PLAU: variants seen among roughly 807,000 people sequenced by gnomAD.
PLAU encodes the protein plasminogen activator, urokinase, also known as urokinase-type plasminogen activator.
PLAU carries 32 observed loss-of-function variants against 48.9 expected under a neutral mutation model. The ratio of observed to expected loss-of-function variants is 0.65; its 90% CI spans 0.49 to 0.88. The LOEUF is 0.88. Among genes scored for constraint, PLAU ranks in the 40% least tolerant of loss-of-function variants. The probability of loss-of-function intolerance (pLI) is 0.00; values close to 1 mark genes in which losing one functional copy is unlikely to be tolerated. For missense variants in PLAU, 455 were observed against 545.2 expected (o/e 0.83, Z 1.65); for synonymous variants, 199 against 205.7 (o/e 0.97, Z 0.28).
In PLAU at chr10:73,914,804, C is replaced by T. The variant is rs1289938551; in HGVS notation, c.858C>T (p.Gly286=). The T allele has an allele frequency of 6.2e-7, 1 of 1,614,064 alleles. No individual in the cohort carries two copies. Among genetic ancestry groups the T allele is most frequent in the Admixed American group, 1.7e-5 (1 of 59,996 alleles). The change falls in exon 9 of 11, where the codon GGC becomes GGT. Residue 286 remains glycine (G), a synonymous_variant. Coordinates refer to ENST00000372764, the MANE Select transcript of PLAU (RefSeq NM_002658.6). ...IALLKIRSKE[G]RCAQPSRTIQ... ...TGCTGAAGATCCGTTCCAAGGAGGG[C>T]AGGTGTGCGCAGCCATCCCGGACTA...
At chr10:73,909,292 G>A (rs906485539), upstream of PLAU, 2 of 152,122 alleles carry the variant, frequency 1.3e-5, no homozygotes, top group Non-Finnish European at 2.9e-5. Flanking sequence ...TGGGAGTTTC[G>A]GGGTAAGTCC....
chr10:73,913,944 G>A (rs772988818), intron 7 of PLAU, 36 bp from the exon 8 acceptor site: 10 of 1,600,254 alleles, frequency 6.2e-6, no homozygotes, highest in Middle Eastern at 1.7e-4. Flanking sequence ...CAGATTTCAT[G>A]GGACTAAGCT....
chr10:73,911,225 G>T lies in PLAU; in HGVS notation c.-32+7G>T. The T allele has an allele frequency of 2.6e-6, 1 of 384,020 alleles. No individual in the cohort carries two copies. The highest frequency in any genetic ancestry group is 4.7e-6 in the Non-Finnish European group (1 of 213,464). The allele number at this position is 384,020 out of a possible 1,614,324, so 23.8% of individuals were successfully genotyped here. The stretch of plus-strand genomic sequence containing the variant: ...CCTCCTGCCGCAGCCACCGGTGAGT[G>T]CCGCGGTCCTGAGATCCCCGGGCCG... On this transcript the variant is annotated splice_region_variant and intron_variant, in intron 1 of 10. Coordinates refer to ENST00000372764, the MANE Select transcript of PLAU (RefSeq NM_002658.6).
At chr10:73,911,854 C>G (rs775944641) in intron 2 of PLAU, 187 bp from the exon 3 acceptor site, 2 of 1,552,804 alleles carry the variant, frequency 1.3e-6, no homozygotes, top group Non-Finnish European at 1.7e-6. Flanking sequence ...GTAGATGAAG[C>G]TTGCTTGGGT....
chr10:73,916,087 A>AC (rs1185008825), intron 10 of PLAU, among the ~76,000 whole-genome samples: 1 of 151,918 alleles, frequency 6.6e-6, no homozygotes, highest in Non-Finnish European at 1.5e-5. Flanking sequence ...TAAAAATGCA[A>AC]AAAAAAATTA....
chr10:73,908,853 G>A (rs1209349213), upstream of PLAU, among the ~76,000 whole-genome samples: 1 of 89,746 alleles, frequency 1.1e-5, no homozygotes, highest in African/African-American at 6.3e-5. Flanking sequence ...CCGAGACTCC[G>A]TCTCAAAAAA....
rs1464828809 is a variant in PLAU at position 73,912,225 on chromosome 10, C to T, written c.96C>T (p.Asp32=). 1 of 1,614,184 alleles carries T rather than the reference C, an allele frequency of 6.2e-7. No individual in the cohort carries two copies. Among genetic ancestry groups the T allele is most frequent in the East Asian group, 2.2e-5 (1 of 44,882 alleles). The change falls in exon 4 of 11, where the codon GAC becomes GAT. Residue 32 remains aspartate, a synonymous_variant. Transcript: ENST00000372764. ...CTTTGTTCTCTCCAGCGAACTGTGACTGTCTAAATGGAGGAACATGTGTGT... is the reference window on the plus strand; with the variant it reads ...CTTTGTTCTCTCCAGCGAACTGTGATTGTCTAAATGGAGGAACATGTGTGT... ...NELHQVPSNC[D]CLNGGTCVSN...
At position 73,911,532 on chromosome 10, in the gene PLAU, G is replaced by A; in HGVS notation, c.-24G>A. 1 of 1,609,734 alleles carries A rather than the reference G, an allele frequency of 6.2e-7. No individual in the cohort carries two copies. Among genetic ancestry groups the A allele is most frequent in the Non-Finnish European group, 8.5e-7 (1 of 1,179,686 alleles). ...CTTCTCCTTCCTTTGCAGAGCCGCC[G>A]TCTAGCGCCCCGACCTCGCCACCAT... On this transcript the variant is annotated 5_prime_UTR_variant, in exon 2 of 11. Coordinates refer to ENST00000372764, the MANE Select transcript of PLAU (RefSeq NM_002658.6).
At chr10:73,913,834 G>A (rs2096130287) in intron 7 of PLAU, 76 bp downstream of exon 7, 2 of 1,419,246 alleles carry the variant, frequency 1.4e-6, no homozygotes, top group Non-Finnish European at 1.9e-6. Flanking sequence ...CCAGCAAAGT[G>A]TTCCGCCTCA....
Position 73,916,777 on chromosome 10 carries a change from AG to A in PLAU, c.*216del. ...GCCCAGACCCCTCTGGCCAGGATGGAGGGGTGGTCCTGACTCAACATGTTAC... is the reference window on the plus strand; with the variant it reads ...GCCCAGACCCCTCTGGCCAGGATGGAGGGTGGTCCTGACTCAACATGTTAC... On this transcript the variant is annotated 3_prime_UTR_variant, in exon 11 of 11. Transcript: ENST00000372764. The A allele has an allele frequency of 1.8e-6, 1 of 562,574 alleles. No individual in the cohort carries two copies. Among genetic ancestry groups the A allele is most frequent in the Non-Finnish European group, 3.1e-6 (1 of 317,974 alleles). 34.8% of individuals were successfully genotyped at this position (562,574 alleles called of 1,614,324 possible). A position where few individuals can be genotyped will look rare whatever the true frequency, so the allele number is the denominator to read the frequency against.
intron 2 of PLAU, chr10:73,911,826 C>G: frequency 6.4e-7 from 1 of 1,551,908 alleles, no homozygotes; most frequent in African/African-American, 1.4e-5. Context: ...CGGGACTGCC[C>G]CAGCCTGCGG....
rs886047205 is a variant in PLAU, at chr10:73,911,218, G to A, written c.-32G>A. The A allele has an allele frequency of 1.0e-4, 37 of 354,396 alleles. No homozygotes were observed. The South Asian group carries it at 1.3e-3, about 13-fold the overall frequency. The allele number at this position is 354,396 out of a possible 1,614,324, so 22.0% of individuals were successfully genotyped here. A position where few individuals can be genotyped will look rare whatever the true frequency, so the allele number is the denominator to read the frequency against. On this transcript the variant is annotated splice_region_variant and 5_prime_UTR_variant, in exon 1 of 11. Transcript: ENST00000372764. ...CTCGCGCCCTCCTGCCGCAGCCACC[G>A]GTGAGTGCCGCGGTCCTGAGATCCC...
rs1306281034 is a variant in PLAU at position 73,913,341 on chromosome 10, G to C, written c.420G>C (p.Lys140Asn). ...GGTGCTATGTGCAGGTGGGCCTAAA[G>C]CTGCTTGTCCAAGAGTGCATGGTGC... ...RPWCYVQVGL[K>N]LLVQECMVHD... Residue 140 changes from lysine to asparagine, a missense_variant, in exon 6 of 11, where the codon AAG (lysine) becomes AAC (asparagine). Physicochemically the swap from Lys to Asn is moderately conservative, Grantham distance 94. Transcript: ENST00000372764. 4.3e-6 allele frequency: 7 copies of C among 1,614,054 alleles called. No homozygotes were observed. The highest frequency in any genetic ancestry group is 5.9e-6 in the Non-Finnish European group (7 of 1,180,024).
In PLAU at chr10:73,913,154, G is replaced by T. The variant is rs566056557; in HGVS notation, c.368+56G>T. On this transcript the variant is annotated intron_variant, in intron 5 of 10. Transcript: ENST00000372764. ...CTCCCTACAGCTTCCCAGAAACCTT[G>T]TTACCATCCCCTTCTCCCAGAGGGC... The T allele has an allele frequency of 9.7e-4, 1,541 of 1,590,518 alleles. 4 individuals are homozygous for T. Among genetic ancestry groups the T allele is most frequent in the Middle Eastern group, 6.4e-3 (38 of 5,944 alleles).
rs371106595 is a variant in PLAU, at chr10:73,911,572, C to A, written c.17C>A (p.Ala6Glu). 2.0e-5 allele frequency: 32 copies of A among 1,613,176 alleles called. No individual in the cohort carries two copies. Among genetic ancestry groups the A allele is most frequent in the Non-Finnish European group, 2.7e-5 (32 of 1,179,994 alleles). ...CTCGCCACCATGAGAGCCCTGCTGG[C>A]GCGCCTGCTTCTCTGCGTCCTGGTC... MRALL[A>E]RLLLCVLVVS... is the part of the protein sequence containing the mutation. The change falls in exon 2 of 11, where the codon GCG becomes GAG. Residue 6 changes from alanine (A) to glutamate (E), a missense_variant. By Grantham distance (107) the Ala-to-Glu change is moderately radical. Transcript: ENST00000372764.
At chr10:73,910,585 G>A (rs1432173128), upstream of PLAU, 2 of 152,246 alleles carry the variant, frequency 1.3e-5, no homozygotes, top group African/African-American at 2.4e-5. Context: ...TGGTTGTGTT[G>A]GTGATATCTG....
chr10:73,915,452 T>G (rs1216074248), intron 10 of PLAU, 53 bp downstream of exon 10: 1 of 1,524,732 alleles, frequency 6.6e-7, no homozygotes, highest in Non-Finnish European at 8.9e-7. Context: ...CCAGAGCTCC[T>G]GGGCTTGTTC....
chr10:73,911,512 C>A lies in PLAU; in HGVS notation c.-31-13C>A. 1 of 1,602,214 alleles carries A rather than the reference C, an allele frequency of 6.2e-7. No homozygotes were observed. Among genetic ancestry groups the A allele is most frequent in the South Asian group, 1.1e-5 (1 of 89,852 alleles). ...TCCTCCGCCTCTTGCCCTGACTTCTCCTTCCTTTGCAGAGCCGCCGTCTAG... is the reference window on the plus strand; with the variant it reads ...TCCTCCGCCTCTTGCCCTGACTTCTACTTCCTTTGCAGAGCCGCCGTCTAG... On this transcript the variant is annotated splice_polypyrimidine_tract_variant and intron_variant, in intron 1 of 10. Transcript: ENST00000372764.
At chr10:73,912,901 C>G (rs1437963045) in intron 4 of PLAU, 23 bp from the exon 5 acceptor site, 5 of 1,556,268 alleles carry the variant, frequency 3.2e-6, no homozygotes, top group Middle Eastern at 1.7e-4. Context: ...CTCATATTCT[C>G]TCATCCTCCT....
Sources: gnomAD v4.1 joint callset for allele counts (sites outside exome capture counted in the v4.1 genomes callset) on GRCh38, gnomAD v4.1.1 for gene constraint, MANE v1.5 for transcripts, NCBI Gene and HGNC (gene_info 2026-07-23, HGNC 2026-07-21) for gene names.